The following C8orf76 variants were observed in gnomAD, a reference collection of about 807,000 sequenced individuals.
The protein encoded by C8orf76 is uncharacterized protein C8orf76.
C8orf76 carries 46 observed loss-of-function variants against 38.1 expected under a neutral mutation model. The ratio of observed to expected loss-of-function variants is 1.21; its 90% confidence interval spans 0.95 to 1.54. C8orf76 has a LOEUF of 1.54. C8orf76 is among the 40% of genes most tolerant of loss of function. C8orf76 has a pLI of 0.00. For missense variants in C8orf76, 461 were observed against 441.6 expected, an observed-to-expected ratio of 1.04 and a Z score of -0.39; for synonymous variants, 166 against 167.5, an observed-to-expected ratio of 0.99 and a Z score of 0.07.
At chr8:123,225,519 A>G (rs1825014239) in intron 5 of C8orf76, among the ~76,000 whole-genome samples, 1 of 152,224 alleles carries the variant, frequency 6.6e-6, no homozygotes, top group African/African-American at 2.4e-5. Flanking sequence ...AGAGAGGCCA[A>G]GGGAATCTTT....
At chr8:123,233,219 A>G (rs1418712355) in intron 3 of C8orf76, among the ~76,000 whole-genome samples, 1 of 152,022 alleles carries the variant, frequency 6.6e-6, no homozygotes, top group South Asian at 2.1e-4. Flanking sequence ...GGGTTTTGCC[A>G]TGTTGGCCAG....
chr8:123,226,646 A>G lies in C8orf76; in HGVS notation c.816-14T>C, dbSNP rs974826440. 6 of 1,587,076 alleles carry G rather than the reference A, an allele frequency of 3.8e-6. No homozygotes were observed. The African/African-American group carries it at 5.5e-5, about 14-fold the overall frequency. Reference sequence around the variant, plus strand: ...TGAAGCAGAAGCCTGAAAAACCGAAAAGTCTCAATGCGTGGCGAAAAGTCC... The same window carrying G: ...TGAAGCAGAAGCCTGAAAAACCGAAGAGTCTCAATGCGTGGCGAAAAGTCC... On this transcript the variant is annotated splice_polypyrimidine_tract_variant and intron_variant, in intron 4 of 5. Transcript: ENST00000276704.
At chr8:123,226,445 C>T in intron 5 of C8orf76, 55 bp downstream of exon 5, 1 of 1,597,070 alleles carries the variant, frequency 6.3e-7, no homozygotes, top group South Asian at 1.1e-5. Context: ...GCTATCAGAG[C>T]CAGGGAAAAT....
rs1308350922 is a variant in C8orf76, at chr8:123,220,056, CAATT to C, written c.*43_*46del. On this transcript the variant is annotated 3_prime_UTR_variant, in exon 6 of 6. Transcript: ENST00000276704. ...GGATCCTGTCTGAAGTAAACAAGGACAATTAATACAGTACAAGATATTTGTGGTT... is the reference window on the plus strand; with the variant it reads ...GGATCCTGTCTGAAGTAAACAAGGACAATACAGTACAAGATATTTGTGGTT... The C allele has an allele frequency of 8.6e-7, 1 of 1,168,644 alleles. No homozygotes were observed. Among genetic ancestry groups the C allele is most frequent in the Non-Finnish European group, 1.2e-6 (1 of 822,458 alleles). 72.4% of individuals were successfully genotyped at this position (1,168,644 alleles called of 1,614,324 possible).
At chr8:123,240,510 A>G (rs959542265) in intron 1 of C8orf76, among the ~76,000 whole-genome samples, 1 of 152,260 alleles carries the variant, frequency 6.6e-6, no homozygotes, top group Admixed American at 6.5e-5. Flanking sequence ...ATTTACACTC[A>G]TGAAAGAATA....
Position 123,220,233 on chromosome 8 carries a change from C to T in C8orf76, c.1013G>A (p.Gly338Asp), listed in dbSNP as rs914184027. The part of the protein sequence containing the change: ...DEVHPEVKCV[G>D]SVALTALVTV... ...CACCAAGGCAGTCAGGGCTACGGAG[C>T]CAACACACTTCACCTCTGGGTGAAC... Residue 338 changes from glycine (G) to aspartate (D), a missense_variant, in exon 6 of 6, where the codon GGC becomes GAC. Transcript: ENST00000276704. 3 of 1,613,294 alleles carry T rather than the reference C, an allele frequency of 1.9e-6. No individual in the cohort carries two copies. The highest frequency in any genetic ancestry group is 2.7e-5 in the African/African-American group (2 of 74,880).
In C8orf76 at chr8:123,241,371, A is replaced by G. The variant is rs1175469384; in HGVS notation, c.-25T>C. The G allele has an allele frequency of 1.3e-6, 2 of 1,537,812 alleles. No homozygotes were observed. The highest frequency in any genetic ancestry group is 4.5e-5 in the Admixed American group (2 of 44,822). The stretch of plus-strand genomic sequence containing the variant: ...TCTCGCGCCCGCGGCGGGGGCAACG[A>G]GGAAGCGGGGCCCGCCGGAAAAGGC... On this transcript the variant is annotated 5_prime_UTR_variant, in exon 1 of 6. Coordinates refer to ENST00000276704, the MANE Select transcript of C8orf76 (RefSeq NM_032847.3).
At chr8:123,225,794 A>G (rs758876199) in intron 5 of C8orf76, among the ~76,000 whole-genome samples, 6 of 152,090 alleles carry the variant, frequency 3.9e-5, no homozygotes, top group Non-Finnish European at 8.8e-5. Context: ...GCGTGGTGGC[A>G]CATGCCTGTG....
At chr8:123,236,771 G>A (rs1825500074) in intron 3 of C8orf76, 4 of 490,412 alleles carry the variant, frequency 8.2e-6, no homozygotes, top group South Asian at 2.0e-5. Context: ...GTGACAGAGT[G>A]AGACTCTGTC....
intron 5 of C8orf76, 167 bp downstream of exon 5, chr8:123,226,333 G>A (rs566825409): frequency 1.8e-5 from 26 of 1,461,746 alleles, no homozygotes; most frequent in East Asian, 1.5e-4. Flanking sequence ...GGGGAATGCC[G>A]ATCAAGAGGC....
At chr8:123,228,815 A>G (rs1001431752) in intron 4 of C8orf76, among the ~76,000 whole-genome samples, 4 of 152,238 alleles carry the variant, frequency 2.6e-5, no homozygotes, top group African/African-American at 9.6e-5. Context: ...TGCCTACTAC[A>G]TACCATGCAG....
chr8:123,232,393 C>A (rs944777297), intron 3 of C8orf76, among the ~76,000 whole-genome samples: 8 of 152,240 alleles, frequency 5.3e-5, no homozygotes, highest in African/African-American at 1.7e-4. Context: ...CTTTTCAAAT[C>A]TCCTTAACCA....
At chr8:123,225,831 A>G (rs576901658) in intron 5 of C8orf76, among the ~76,000 whole-genome samples, 1 of 152,258 alleles carries the variant, frequency 6.6e-6, no homozygotes, top group Admixed American at 6.5e-5. Flanking sequence ...AGGCTGAGAC[A>G]TGAGAATCGC....
At chr8:123,234,567 G>A (rs1019006791) in intron 3 of C8orf76, among the ~76,000 whole-genome samples, 4 of 152,006 alleles carry the variant, frequency 2.6e-5, no homozygotes, top group Non-Finnish European at 4.4e-5. Flanking sequence ...TCAGGAGTTC[G>A]AGACCAGACT....
At chr8:123,241,185 G>T in intron 1 of C8orf76, 45 bp downstream of exon 1, 3 of 1,521,700 alleles carry the variant, frequency 2.0e-6, no homozygotes, top group Non-Finnish European at 1.8e-6. Context: ...CGCGGAGGGC[G>T]AGGCCTGGGG....
At chr8:123,231,163 G>T in intron 4 of C8orf76, 137 bp downstream of exon 4, 1 of 1,099,172 alleles carries the variant, frequency 9.1e-7, no homozygotes, top group Non-Finnish European at 1.3e-6. Flanking sequence ...AATGACAAAC[G>T]TTCAACACAA....
intron 2 of C8orf76, 82 bp downstream of exon 2, chr8:123,238,967 A>G: frequency 7.2e-7 from 1 of 1,397,094 alleles, no homozygotes; most frequent in Admixed American, 1.8e-5. Context: ...TAAACACCAC[A>G]CTAACTTGGT....
In C8orf76 at chr8:123,219,997, CAT is replaced by C. The variant is rs1824859252; in HGVS notation, c.*104_*105del. The C allele has an allele frequency of 3.2e-6, 2 of 625,100 alleles. No homozygotes were observed. The highest frequency in any genetic ancestry group is 5.1e-6 in the Non-Finnish European group (2 of 390,018). The allele number at this position is 625,100 out of a possible 1,614,324, so 38.7% of individuals were successfully genotyped here. On this transcript the variant is annotated 3_prime_UTR_variant, in exon 6 of 6. Transcript: ENST00000276704. ...TGAGACAGAAGCCAGTTTTATAAAA[CAT>C]AAATAATCATTTATACTCCATGATT...
At chr8:123,226,299 G>T in intron 5 of C8orf76, 1 of 1,404,466 alleles carries the variant, frequency 7.1e-7, no homozygotes, top group South Asian at 1.7e-5. Context: ...ATGAAACACA[G>T]CCCCTGCGGT....
Sources: allele counts gnomAD v4.1 joint callset (sites outside exome capture counted in the v4.1 genomes callset), GRCh38; gene constraint gnomAD v4.1.1; transcripts MANE v1.5; gene names NCBI Gene and HGNC (gene_info 2026-07-23, HGNC 2026-07-21).